COL5A2: variants seen among roughly 807,000 people sequenced by gnomAD.
The protein encoded by COL5A2 is collagen type V alpha 2 chain.
COL5A2 carries 23 observed loss-of-function variants against 208.2 expected under a neutral mutation model. The ratio of observed to expected loss-of-function variants is 0.11; its 90% CI spans 0.08 to 0.16. The LOEUF (loss-of-function observed/expected upper bound fraction) is 0.16. Ranked by LOEUF, COL5A2 falls within the 10% of genes least tolerant of loss-of-function variation. The pLI, the probability that COL5A2 is intolerant of heterozygous loss-of-function variation, is 1.00. For synonymous variants in COL5A2, 625 were observed against 628.5 expected, an observed-to-expected ratio of 0.99 and a Z score of 0.08; for missense variants, 1,590 against 1,956.4, an observed-to-expected ratio of 0.81 and a Z score of 3.53.
At chr2:189,211,813 G>C (rs1418166860) in intron 1 of COL5A2, among the ~76,000 whole-genome samples, 1 of 152,154 alleles carries the variant, frequency 6.6e-6, no homozygotes, top group Admixed American at 6.5e-5. Flanking sequence ...TAAAAGAGCA[G>C]CAAGAAAGTA....
At chr2:189,176,780 CAT>C (rs1209149185) in intron 1 of COL5A2, among the ~76,000 whole-genome samples, 1 of 152,078 alleles carries the variant, frequency 6.6e-6, no homozygotes, top group Non-Finnish European at 1.5e-5. Flanking sequence ...CACACACACA[CAT>C]ACACCCACAC....
At position 189,179,727 on chromosome 2, in the gene COL5A2, C is replaced by T. The variant is rs1688748878; in HGVS notation, c.-123G>A. ...CCAGCCCCAGGGCAGCCTCTGCAAA[C>T]CCCCTTTTTCAGCACCAGCTCCAGC... On this transcript the variant is annotated 5_prime_UTR_variant, in exon 1 of 54. Coordinates refer to ENST00000374866, the MANE Select transcript of COL5A2 (RefSeq NM_000393.5). 16 of 1,518,098 alleles carry T rather than the reference C, an allele frequency of 1.1e-5. No homozygotes were observed. 94.0% of individuals were successfully genotyped at this position (1,518,098 alleles called of 1,614,324 possible).
intron 1 of COL5A2, among the ~76,000 whole-genome samples, chr2:189,149,239 G>T (rs1576557041): frequency 1.3e-5 from 2 of 152,184 alleles, no homozygotes; most frequent in African/African-American, 4.8e-5. Context: ...GTTAGGTGAA[G>T]ATTTTCCCAT....
chr2:189,179,446 C>G (rs1439237873), intron 1 of COL5A2, 62 bp downstream of exon 1: 1 of 1,558,646 alleles, frequency 6.4e-7, no homozygotes, highest in East Asian at 2.3e-5. Context: ...TGAGGCTTAA[C>G]ATTCCACCTA....
chr2:189,160,801 TTTTTC>T (rs1334705683), intron 1 of COL5A2, among the ~76,000 whole-genome samples: 25 of 151,894 alleles, frequency 1.6e-4, no homozygotes, highest in Admixed American at 3.3e-4. Flanking sequence ...CTTCATGTAC[TTTTTC>T]TTTTCTTTTC....
At chr2:189,093,852 C>T (rs1686842960) in intron 6 of COL5A2, among the ~76,000 whole-genome samples, 1 of 152,168 alleles carries the variant, frequency 6.6e-6, no homozygotes, top group Non-Finnish European at 1.5e-5. Flanking sequence ...TATATGACAG[C>T]ACAGACAAAA....
chr2:189,229,811 T>C (rs1689458702), upstream of COL5A2, among the ~76,000 whole-genome samples: 1 of 151,782 alleles, frequency 6.6e-6, no homozygotes, highest in African/African-American at 2.4e-5. Flanking sequence ...TGACAATTTT[T>C]ACAGAAATAG....
intron 50 of COL5A2, among the ~76,000 whole-genome samples, chr2:189,040,828 A>C (rs183303355): frequency 1.8e-4 from 27 of 152,320 alleles, no homozygotes; most frequent in African/African-American, 6.3e-4. Context: ...GCTGTTTCCT[A>C]TTCACAATTA....
At chr2:189,247,736 CA>C in the COL5A2 span, among the ~76,000 whole-genome samples, 2 of 151,988 alleles carry the variant, frequency 1.3e-5, no homozygotes, top group African/African-American at 4.8e-5. Context: ...CAAGCTTCCA[CA>C]CCCTGCTAAT....
the COL5A2 span, among the ~76,000 whole-genome samples, chr2:189,247,156 G>A: frequency 6.6e-6 from 1 of 152,108 alleles, no homozygotes; most frequent in East Asian, 1.9e-4. Context: ...GAGAAAAAAC[G>A]GCCATGGACC....
chr2:189,232,665 T>C, the COL5A2 span, among the ~76,000 whole-genome samples: 1 of 151,732 alleles, frequency 6.6e-6, no homozygotes, highest in East Asian at 1.9e-4. Context: ...GCAATTATAT[T>C]TGGAGGTGTT....
At chr2:189,226,771 C>T (rs1487694206), upstream of COL5A2, among the ~76,000 whole-genome samples, 3 of 152,074 alleles carry the variant, frequency 2.0e-5, no homozygotes, top group Non-Finnish European at 4.4e-5. Context: ...AACACATGTC[C>T]AACAGTCCAG....
the COL5A2 span, among the ~76,000 whole-genome samples, chr2:189,261,110 A>G: frequency 1.3e-5 from 2 of 152,158 alleles, no homozygotes; most frequent in African/African-American, 2.4e-5. Context: ...ATAAAAAATT[A>G]CCGAGAATAA....
intron 1 of COL5A2, among the ~76,000 whole-genome samples, chr2:189,140,282 T>C (rs1193212271): frequency 6.6e-6 from 1 of 152,188 alleles, no homozygotes; most frequent in Non-Finnish European, 1.5e-5. Context: ...AACTAATATT[T>C]TCCAGCAATT....
the COL5A2 span, among the ~76,000 whole-genome samples, chr2:189,266,894 G>C: frequency 6.6e-6 from 1 of 151,598 alleles, no homozygotes; most frequent in Non-Finnish European, 1.5e-5. Context: ...CTACTCCTAG[G>C]TACATATATG....
chr2:189,375,870 T>G, the COL5A2 span, among the ~76,000 whole-genome samples: 1 of 152,258 alleles, frequency 6.6e-6, no homozygotes, highest in African/African-American at 2.4e-5. Context: ...GAGATCAGAA[T>G]AGTGGAAAGA....
At chr2:189,316,134 ACT>A in the COL5A2 span, among the ~76,000 whole-genome samples, 2 of 152,210 alleles carry the variant, frequency 1.3e-5, no homozygotes, top group African/African-American at 4.8e-5. Context: ...AAGATAAATC[ACT>A]CTGTTATAAA....
At chr2:189,228,241 T>G (rs1689442198), upstream of COL5A2, among the ~76,000 whole-genome samples, 1 of 151,188 alleles carries the variant, frequency 6.6e-6, no homozygotes, top group African/African-American at 2.4e-5. Context: ...TTCTATACCT[T>G]AGGAAGTAGA....
the COL5A2 span, among the ~76,000 whole-genome samples, chr2:189,248,263 G>A: frequency 3.3e-5 from 5 of 152,108 alleles, no homozygotes; most frequent in East Asian, 9.6e-4. Context: ...ACAAAGTCTG[G>A]CATTTCAGAG....
Sources: allele counts gnomAD v4.1 joint callset (sites outside exome capture counted in the v4.1 genomes callset), GRCh38; gene constraint gnomAD v4.1.1; transcripts MANE v1.5; gene names NCBI Gene and HGNC (gene_info 2026-07-23, HGNC 2026-07-21).